The following SKI variants were observed in gnomAD, a reference collection of about 807,000 sequenced individuals.
The protein encoded by SKI is ski oncogene.
Under a neutral mutation model 59.3 loss-of-function variants are expected in SKI, and 23 were observed. That is an observed-to-expected ratio of 0.39 (90% confidence interval 0.28 to 0.55). SKI has a LOEUF of 0.55. Among genes scored for constraint, SKI ranks in the 20% least tolerant of loss-of-function variants. The pLI, the probability that SKI is intolerant of heterozygous loss-of-function variation, is 0.67. For synonymous variants in SKI, 673 were observed against 488.6 expected, an observed-to-expected ratio of 1.38 and a Z score of -4.98; for missense variants, 1,017 against 1,038.9, an observed-to-expected ratio of 0.98 and a Z score of 0.29.
intron 1 of SKI, among the ~76,000 whole-genome samples, chr1:2,258,315 C>G (rs1356992643): frequency 6.6e-6 from 1 of 152,114 alleles, no homozygotes; most frequent in Non-Finnish European, 1.5e-5. Flanking sequence ...GTGGGACCAG[C>G]TCAGATGCCC....
intron 1 of SKI, among the ~76,000 whole-genome samples, chr1:2,278,711 C>T (rs927269638): frequency 4.6e-5 from 7 of 151,866 alleles, no homozygotes; most frequent in African/African-American, 7.3e-5. Flanking sequence ...AGCTCCCCAC[C>T]TGATCTCTGG....
At chr1:2,275,905 C>G (rs1639732954) in intron 1 of SKI, among the ~76,000 whole-genome samples, 1 of 152,142 alleles carries the variant, frequency 6.6e-6, no homozygotes, top group African/African-American at 2.4e-5. Flanking sequence ...ACCAGTGCAC[C>G]TTGGCTCCTG....
intron 1 of SKI, among the ~76,000 whole-genome samples, chr1:2,266,763 A>G (rs1056786707): frequency 1.6e-4 from 25 of 152,218 alleles, no homozygotes; most frequent in African/African-American, 5.8e-4. Flanking sequence ...AAAATGAGAT[A>G]GAAAATGAAG....
chr1:2,260,458 C>T (rs1213860198), intron 1 of SKI, among the ~76,000 whole-genome samples: 1 of 150,538 alleles, frequency 6.6e-6, no homozygotes, highest in Non-Finnish European at 1.5e-5. Flanking sequence ...CCATGGCTTT[C>T]CTTTTCTGAA....
chr1:2,305,028 G>A (rs371693120), intron 5 of SKI, among the ~76,000 whole-genome samples: 182 of 152,356 alleles, frequency 1.2e-3, no homozygotes, highest in Admixed American at 2.4e-3. Context: ...AAGACCTGGC[G>A]TCTGCAAAAC....
chr1:2,254,230 G>GA (rs1200879661), intron 1 of SKI, among the ~76,000 whole-genome samples: 1 of 152,228 alleles, frequency 6.6e-6, no homozygotes, highest in Non-Finnish European at 1.5e-5. Flanking sequence ...CACGCTAGAG[G>GA]AGGCCACGAC....
intron 1 of SKI, among the ~76,000 whole-genome samples, chr1:2,277,857 G>A (rs1006030050): frequency 4.7e-5 from 7 of 147,682 alleles, no homozygotes; most frequent in Non-Finnish European, 1.5e-5. Flanking sequence ...ACGGACATAC[G>A]TGCACACACA....
At position 2,305,983 on chromosome 1, in the gene SKI, G is replaced by A. The variant is rs371112942; in HGVS notation, c.1768-37G>A. On this transcript the variant is annotated intron_variant, in intron 5 of 6. Coordinates refer to ENST00000378536, the MANE Select transcript of SKI (RefSeq NM_003036.4). ...TCATGGTGAGGGGTGTGCTGGGACC[G>A]GCTGGGCAGTGACCCCGAGCCGCCT... The A allele has an allele frequency of 1.9e-4, 280 of 1,480,830 alleles. No individual in the cohort carries two copies. In the African/African-American group the frequency reaches 3.6e-3, roughly 19 times the overall value. 91.7% of individuals were successfully genotyped at this position (1,480,830 alleles called of 1,614,324 possible). A position where few individuals can be genotyped will look rare whatever the true frequency, so the allele number is the denominator to read the frequency against.
At chr1:2,296,800 G>A (rs1354128918) in intron 1 of SKI, among the ~76,000 whole-genome samples, 1 of 152,118 alleles carries the variant, frequency 6.6e-6, no homozygotes, top group Non-Finnish European at 1.5e-5. Flanking sequence ...GCACTTCTGC[G>A]GGGGCGGGAG....
chr1:2,275,864 A>T (rs1487871125), intron 1 of SKI, among the ~76,000 whole-genome samples: 1 of 151,764 alleles, frequency 6.6e-6, no homozygotes, highest in Non-Finnish European at 1.5e-5. Flanking sequence ...TGGGAGGGAG[A>T]GTCCTTGGCA....
intron 1 of SKI, among the ~76,000 whole-genome samples, chr1:2,273,055 T>G (rs1463498027): frequency 1.3e-5 from 2 of 152,180 alleles, no homozygotes; most frequent in Non-Finnish European, 1.5e-5. Context: ...GCCACCTGCG[T>G]TCAGTGCAGA....
Position 2,304,407 on chromosome 1 carries a change from C to T in SKI, c.1589C>T (p.Ala530Val), listed in dbSNP as rs1202147041. ...CCCTCGGCCGTCCCTGATGCTGCGGCCCCTGCCGACGCCCCCAGTGGGCTG... is the reference window on the plus strand; with the variant it reads ...CCCTCGGCCGTCCCTGATGCTGCGGTCCCTGCCGACGCCCCCAGTGGGCTG... ...ALPSAVPDAA[A>V]PADAPSGLEA... Residue 530 changes from alanine to valine, a missense_variant, in exon 5 of 7, where the codon GCC becomes GTC. Ala to Val is a moderately conservative substitution (Grantham distance 64). Transcript: ENST00000378536. 9 of 1,553,296 alleles carry T rather than the reference C, an allele frequency of 5.8e-6. No individual in the cohort carries two copies. Among genetic ancestry groups the T allele is most frequent in the South Asian group, 1.2e-5 (1 of 84,296 alleles).
chr1:2,277,650 CTG>C (rs1228689252), intron 1 of SKI, among the ~76,000 whole-genome samples: 2 of 152,212 alleles, frequency 1.3e-5, no homozygotes, highest in African/African-American at 2.4e-5. Flanking sequence ...CACGTCAGCA[CTG>C]TGGGCGCACA....
rs370884557 is a variant in SKI, at chr1:2,275,449, C to T, written c.970-27529C>T. Reference sequence around the variant, plus strand: ...GGCCGGTGTGGGCAGCTTTGCCCTTCGTCTGAGACCCCGAGCCCTGGGGCA... The same window carrying T: ...GGCCGGTGTGGGCAGCTTTGCCCTTTGTCTGAGACCCCGAGCCCTGGGGCA... On this transcript the variant is annotated intron_variant, in intron 1 of 6. Coordinates refer to ENST00000378536, the MANE Select transcript of SKI (RefSeq NM_003036.4). Among the ~76,000 whole-genome samples, 39 of 152,198 alleles carry T rather than the reference C, an allele frequency of 2.6e-4. No individual in the cohort carries two copies. The East Asian group carries it at 5.8e-3, about 23-fold the overall frequency.
intron 1 of SKI, among the ~76,000 whole-genome samples, chr1:2,242,919 T>C (rs567728280): frequency 1.6e-4 from 25 of 152,392 alleles, no homozygotes; most frequent in African/African-American, 4.6e-4. Context: ...GGGAATATTA[T>C]TGTGACATGC....
rs376039595 is a variant in SKI at position 2,283,727 on chromosome 1, C to T, written c.970-19251C>T. ...GGGTGCAGCCCTGCTGCCCATGGCC[C>T]GGAAGTCCAGGCAGCACTGCTCTGG... is the stretch of plus-strand genomic sequence containing the variant. On this transcript the variant is annotated intron_variant, in intron 1 of 6. Transcript: ENST00000378536. 3.1e-4 allele frequency among the ~76,000 whole-genome samples: 47 copies of T among 152,300 alleles called. No individual in the cohort carries two copies. The East Asian group carries it at 4.3e-3, about 14-fold the overall frequency.
chr1:2,244,261 G>T (rs896011034), intron 1 of SKI, among the ~76,000 whole-genome samples: 2 of 150,866 alleles, frequency 1.3e-5, no homozygotes, highest in Non-Finnish European at 2.9e-5. Flanking sequence ...ACTGCACCTG[G>T]CCCCTCCTGA....
rs1347083436 is a variant in SKI at position 2,303,802 on chromosome 1, G to A, written c.1212-38G>A. 1 of 1,609,862 alleles carries A rather than the reference G, an allele frequency of 6.2e-7. No homozygotes were observed. Among genetic ancestry groups the A allele is most frequent in the African/African-American group, 1.3e-5 (1 of 74,968 alleles). On this transcript the variant is annotated intron_variant, in intron 3 of 6. Coordinates refer to ENST00000378536, the MANE Select transcript of SKI (RefSeq NM_003036.4). This position sits in a 1 kb window ranked among gnomAD's most constrained non-coding sequence, Gnocchi z 5.6. Reference sequence around the variant, plus strand: ...AGGATGTGTCTGGGTGGTGCTTGGGGACAGAGGCACCTTCCCGACACCCGC... The same window carrying A: ...AGGATGTGTCTGGGTGGTGCTTGGGAACAGAGGCACCTTCCCGACACCCGC...
chr1:2,282,785 C>G (rs1312322635), intron 1 of SKI, among the ~76,000 whole-genome samples: 1 of 151,516 alleles, frequency 6.6e-6, no homozygotes, highest in Non-Finnish European at 1.5e-5. Context: ...CTCGGGGGCG[C>G]CAGTCCTGTC....
Sources: gnomAD v4.1 joint callset for allele counts (sites outside exome capture counted in the v4.1 genomes callset) on GRCh38, gnomAD v4.1.1 for gene constraint, Gnocchi (gnomAD v3.1) non-coding constraint, MANE v1.5 for transcripts, NCBI Gene and HGNC (gene_info 2026-07-23, HGNC 2026-07-21) for gene names.